COL4A4: variants seen among roughly 807,000 people sequenced by gnomAD.
COL4A4 encodes collagen alpha-4(IV) chain.
In COL4A4, 105 loss-of-function variants were observed where a neutral mutation model predicts 192.9. That is an observed-to-expected ratio of 0.54 (90% confidence interval 0.46 to 0.64). COL4A4 has a LOEUF of 0.64. Among genes scored for constraint, COL4A4 ranks in the 30% least tolerant of loss-of-function variants. The pLI, the probability that COL4A4 is intolerant of heterozygous loss-of-function variation, is 0.00. For missense variants in COL4A4, 1,967 were observed against 2,169.3 expected, an observed-to-expected ratio of 0.91 and a Z score of 1.85; for synonymous variants, 762 against 769.9, an observed-to-expected ratio of 0.99 and a Z score of 0.17.
At chr2:227,065,205 G>A (rs1156462935) in intron 25 of COL4A4, among the ~76,000 whole-genome samples, 3 of 152,224 alleles carry the variant, frequency 2.0e-5, no homozygotes, top group Non-Finnish European at 1.5e-5. Context: ...CGCACCAGGA[G>A]ATCACATCCC....
intron 16 of COL4A4, 144 bp from the exon 17 acceptor site, chr2:227,101,701 G>A (rs1337973108): frequency 1.6e-5 from 17 of 1,090,664 alleles, no homozygotes; most frequent in Non-Finnish European, 2.3e-5. Flanking sequence ...AGACAATCTT[G>A]TGCTTCAATT....
At chr2:227,160,894 C>T (rs2064774339) in intron 1 of COL4A4, among the ~76,000 whole-genome samples, 2 of 152,124 alleles carry the variant, frequency 1.3e-5, no homozygotes, top group South Asian at 4.2e-4. Flanking sequence ...ATTCTAAAAG[C>T]ACCCAAGAGC....
intron 32 of COL4A4, among the ~76,000 whole-genome samples, chr2:227,051,914 C>T (rs1974193096): frequency 6.6e-6 from 1 of 152,078 alleles, no homozygotes; most frequent in Non-Finnish European, 1.5e-5. Flanking sequence ...ATGGCCTTTT[C>T]TCACAGTGGT....
chr2:227,091,723 GTCTC>G (rs1406883225), intron 20 of COL4A4, among the ~76,000 whole-genome samples: 3 of 151,930 alleles, frequency 2.0e-5, no homozygotes, highest in Non-Finnish European at 4.4e-5. Context: ...GTGAAACCCT[GTCTC>G]TACTAAAAAA....
the COL4A4 span, among the ~76,000 whole-genome samples, chr2:226,969,475 T>C: frequency 1.1e-4 from 17 of 150,414 alleles, no homozygotes; most frequent in African/African-American, 4.2e-4. Flanking sequence ...TCATTTATTA[T>C]AAATGTGTTG....
At chr2:227,080,755 C>T (rs1340119703) in intron 23 of COL4A4, among the ~76,000 whole-genome samples, 2 of 152,290 alleles carry the variant, frequency 1.3e-5, no homozygotes, top group South Asian at 4.1e-4. Flanking sequence ...TTGGGAAAAG[C>T]TCCTTTTCCC....
At chr2:227,028,922 A>C (rs1379365590) in intron 41 of COL4A4, among the ~76,000 whole-genome samples, 6 of 152,086 alleles carry the variant, frequency 3.9e-5, no homozygotes. Context: ...GGCCTCCCAA[A>C]GTGTTGGGAT....
At chr2:227,012,518 C>T (rs1480916694) in intron 44 of COL4A4, among the ~76,000 whole-genome samples, 3 of 150,686 alleles carry the variant, frequency 2.0e-5, no homozygotes, top group African/African-American at 7.3e-5. Context: ...AAATAATTTG[C>T]TTAATTAAAG....
At chr2:227,030,659 G>A in intron 40 of COL4A4, 61 bp from the exon 41 acceptor site, 1 of 1,361,084 alleles carries the variant, frequency 7.3e-7, no homozygotes, top group South Asian at 1.5e-5. Flanking sequence ...TATACTGGCT[G>A]CTTGACAGCT....
chr2:227,086,149 G>A lies in COL4A4; in HGVS notation c.1623+2504C>T, dbSNP rs371032735. Among the ~76,000 whole-genome samples the A allele has an allele frequency of 5.3e-5, 8 of 152,314 alleles. No homozygotes were observed. In the East Asian group the frequency reaches 5.8e-4, roughly 11 times the overall value. On this transcript the variant is annotated intron_variant, in intron 22 of 47. Coordinates refer to ENST00000396625, the MANE Select transcript of COL4A4 (RefSeq NM_000092.5). ...CGGAAATCCCATCCTAGGGAGCGCC[G>A]TCAGGCTAAGGCAATGAATGCAAAG...
At chr2:227,103,714 C>T (rs566475224) in intron 13 of COL4A4, among the ~76,000 whole-genome samples, 102 of 152,308 alleles carry the variant, frequency 6.7e-4, no homozygotes, top group Non-Finnish European at 9.4e-4. Flanking sequence ...ACAACATTAA[C>T]AAGCACATGT....
At chr2:226,967,635 C>T in the COL4A4 span, among the ~76,000 whole-genome samples, 1 of 148,460 alleles carries the variant, frequency 6.7e-6, no homozygotes, top group South Asian at 2.2e-4. Context: ...TTCTACAACT[C>T]GTTGTAGAAG....
chr2:227,011,733 G>A (rs1233556818), intron 45 of COL4A4, among the ~76,000 whole-genome samples: 2 of 152,082 alleles, frequency 1.3e-5, no homozygotes, highest in East Asian at 1.9e-4. Flanking sequence ...GTGTACTAAT[G>A]GCTATATGAT....
At chr2:226,992,193 G>GT in the COL4A4 span, among the ~76,000 whole-genome samples, 2 of 152,214 alleles carry the variant, frequency 1.3e-5, no homozygotes, top group African/African-American at 4.8e-5. Context: ...AAGACAGAGT[G>GT]TACCTGAGAC....
At chr2:227,035,530 A>T (rs1262141665) in intron 37 of COL4A4, among the ~76,000 whole-genome samples, 1 of 97,282 alleles carries the variant, frequency 1.0e-5, no homozygotes, top group Non-Finnish European at 2.0e-5. Context: ...CTCGTGCACC[A>T]AAAAAAAAAA....
chr2:227,011,047 G>C (rs536808509), intron 45 of COL4A4, among the ~76,000 whole-genome samples: 3 of 152,248 alleles, frequency 2.0e-5, no homozygotes, highest in East Asian at 1.9e-4. Flanking sequence ...TCTCCTCTTC[G>C]AGAAGAGAGG....
chr2:227,083,960 G>T (rs1387505808), intron 22 of COL4A4, among the ~76,000 whole-genome samples: 2 of 152,090 alleles, frequency 1.3e-5, no homozygotes, highest in African/African-American at 4.8e-5. Flanking sequence ...GGACAACAGG[G>T]TTGGAAGCCA....
At position 227,121,034 on chromosome 2, in the gene COL4A4, C is replaced by A. The variant is rs1400862810; in HGVS notation, c.307G>T (p.Ala103Ser). 6.2e-7 allele frequency: 1 copy of A among 1,614,166 alleles called. No homozygotes were observed. ...MRGDRGPPGAAGDKGDKGPTG... is the reference protein window; with the variant it reads ...MRGDRGPPGASGDKGDKGPTG... ...CTTACCTTATCTCCTTTGTCCCCTG[C>A]TGCTCCAGGAGGGCCGCGGTCCCCT... The change falls in exon 5 of 48, where the codon GCA becomes TCA. Residue 103 changes from alanine (A) to serine (S), a missense_variant. Transcript: ENST00000396625.
intron 9 of COL4A4, among the ~76,000 whole-genome samples, chr2:227,110,839 C>A (rs980853715): frequency 4.6e-5 from 7 of 151,828 alleles, no homozygotes; most frequent in Admixed American, 3.9e-4. Context: ...CGCGCCACCA[C>A]GCCTGGCTAA....
Sources: gnomAD v4.1 joint callset for allele counts (sites outside exome capture counted in the v4.1 genomes callset) on GRCh38, gnomAD v4.1.1 for gene constraint, MANE v1.5 for transcripts, NCBI Gene and HGNC (gene_info 2026-07-23, HGNC 2026-07-21) for gene names.